Variants in CNOT1 observed in about 807,000 individuals in gnomAD.
The protein encoded by CNOT1 is CCR4-NOT transcription complex subunit 1, also known as CCR4-associated factor 1.
In CNOT1, 15 loss-of-function variants were observed where a neutral mutation model predicts 273.8. That is an observed-to-expected ratio of 0.05 (90% CI 0.04 to 0.08). The LOEUF (loss-of-function observed/expected upper bound fraction) is 0.08, where lower values mean the gene tolerates loss of function less well. CNOT1 is among the 10% of genes least tolerant of loss of function. CNOT1 has a pLI of 1.00. For synonymous variants in CNOT1, 1,022 were observed against 1,005.5 expected, an observed-to-expected ratio of 1.02 and a Z score of -0.31; for missense variants, 1,644 against 2,912.2, an observed-to-expected ratio of 0.56 and a Z score of 10.02.
chr16:58,581,220 C>T (rs923702317), intron 11 of CNOT1, 125 bp downstream of exon 11: 5 of 1,139,868 alleles, frequency 4.4e-6, no homozygotes, highest in South Asian at 1.9e-5. Context: ...ACAGTCCTTG[C>T]TTTTCTGTGC....
chr16:58,560,102 T>G (rs982135499), intron 17 of CNOT1, 110 bp downstream of exon 17: 116 of 1,534,500 alleles, frequency 7.6e-5, no homozygotes, highest in Non-Finnish European at 9.3e-5. Flanking sequence ...ATGCTAGACA[T>G]GCAGTTATCT....
intron 33 of CNOT1, among the ~76,000 whole-genome samples, chr16:58,541,867 T>A (rs2040105576): frequency 6.6e-6 from 1 of 152,234 alleles, no homozygotes; most frequent in African/African-American, 2.4e-5. Context: ...ATGCCTCACA[T>A]GGGACGATGC....
chr16:58,592,268 GC>G (rs1404619885), intron 2 of CNOT1, among the ~76,000 whole-genome samples: 1 of 152,016 alleles, frequency 6.6e-6, no homozygotes, highest in African/African-American at 2.4e-5. Flanking sequence ...GGAGCAGACA[GC>G]ATGGCAGCAT....
At chr16:58,592,719 T>C (rs1385159379) in intron 2 of CNOT1, among the ~76,000 whole-genome samples, 5 of 152,120 alleles carry the variant, frequency 3.3e-5, no homozygotes, top group Non-Finnish European at 7.4e-5. Context: ...CCCCAAAACA[T>C]ACAAATATCC....
In CNOT1 at chr16:58,557,855, T is replaced by C. The variant is rs560171097; in HGVS notation, c.2332+618A>G. ...AATACAAAAAATTAGCATGGCATGG[T>C]GGCGGGCACCTGTAATCCCAGCTAC... is the stretch of plus-strand genomic sequence containing the variant. On this transcript the variant is annotated intron_variant, in intron 18 of 48. Transcript: ENST00000317147. Among the ~76,000 whole-genome samples, 8 of 152,078 alleles carry C rather than the reference T, an allele frequency of 5.3e-5. No homozygotes were observed. In the South Asian group the frequency reaches 1.7e-3, roughly 32 times the overall value.
chr16:58,529,012 T>C (rs1295603863), intron 43 of CNOT1, among the ~76,000 whole-genome samples: 1 of 149,806 alleles, frequency 6.7e-6, no homozygotes, highest in African/African-American at 2.4e-5. Context: ...TTTAAAGTAC[T>C]GAAAAGGGAG....
At position 58,599,444 on chromosome 16, in the gene CNOT1, T is replaced by C; in HGVS notation, c.-107A>G. 1.5e-6 allele frequency: 2 copies of C among 1,346,994 alleles called. No homozygotes were observed. The highest frequency in any genetic ancestry group is 1.3e-5 in the South Asian group (1 of 79,928). 83.4% of individuals were successfully genotyped at this position (1,346,994 alleles called of 1,614,324 possible). A position where few individuals can be genotyped will look rare whatever the true frequency, so the allele number is the denominator to read the frequency against. ...ATGCTTTCTTTGTAATTAGGCTATA[T>C]CTGGTATCTGTATAATATCTTCAGT... On this transcript the variant is annotated 5_prime_UTR_variant, in exon 2 of 49. Coordinates refer to ENST00000317147, the MANE Select transcript of CNOT1 (RefSeq NM_016284.5).
chr16:58,602,407 G>A, intron 1 of CNOT1, among the ~76,000 whole-genome samples: 1 of 151,576 alleles, frequency 6.6e-6, no homozygotes, highest in Middle Eastern at 3.4e-3. Context: ...CCATCTGTAG[G>A]CCGGGTGTGG....
chr16:58,533,858 G>A (rs1209286265), intron 40 of CNOT1, among the ~76,000 whole-genome samples: 1 of 152,014 alleles, frequency 6.6e-6, no homozygotes, highest in African/African-American at 2.4e-5. Context: ...GGCCAGGCAT[G>A]GTGGTTCATG....
chr16:58,543,580 C>T (rs2040166614), intron 31 of CNOT1, 27 bp downstream of exon 31: 1 of 1,614,008 alleles, frequency 6.2e-7, no homozygotes, highest in Non-Finnish European at 8.5e-7. Context: ...ACGTTTTGTA[C>T]CTATACCAAG....
chr16:58,555,563 C>A (rs767194438), intron 20 of CNOT1, 26 bp from the exon 21 acceptor site: 1 of 1,604,402 alleles, frequency 6.2e-7, no homozygotes, highest in South Asian at 1.1e-5. Flanking sequence ...AAAAACAACG[C>A]ACACATAAAG....
chr16:58,522,237 C>CAAAAAAAAAA (rs56149974), intron 47 of CNOT1, among the ~76,000 whole-genome samples: 5 of 98,592 alleles, frequency 5.1e-5, no homozygotes, highest in African/African-American at 2.1e-4. Context: ...GAGACTGTCT[C>CAAAAAAAAAA]AAAAAAAAAA....
In CNOT1 at chr16:58,607,452, G is replaced by A. The variant is rs572563476; in HGVS notation, c.-174-7941C>T. Reference sequence around the variant, plus strand: ...CCAATGAAAATGGCTATCTAGGCTGGGCAAGGTGGCCACGGCTGCAATCCC... The same window carrying A: ...CCAATGAAAATGGCTATCTAGGCTGAGCAAGGTGGCCACGGCTGCAATCCC... On this transcript the variant is annotated intron_variant, in intron 1 of 48. Transcript: ENST00000317147. 5.9e-5 allele frequency among the ~76,000 whole-genome samples: 9 copies of A among 152,112 alleles called. 1 individual carries two copies. The South Asian group carries it at 1.7e-3, about 28-fold the overall frequency.
intron 1 of CNOT1, among the ~76,000 whole-genome samples, chr16:58,621,384 C>T (rs373216884): frequency 6.6e-6 from 1 of 152,072 alleles, no homozygotes; most frequent in East Asian, 1.9e-4. Flanking sequence ...AGCGATTCTC[C>T]TGCCTCAGCC....
chr16:58,602,533 A>T (rs2042504423), intron 1 of CNOT1, among the ~76,000 whole-genome samples: 1 of 138,494 alleles, frequency 7.2e-6, no homozygotes, highest in Admixed American at 7.6e-5. Flanking sequence ...GGCCTGGGCA[A>T]CAGAGCAAGA....
At chr16:58,580,924 A>G (rs1261103059) in intron 11 of CNOT1, among the ~76,000 whole-genome samples, 164 bp from the exon 12 acceptor site, 1 of 152,252 alleles carries the variant, frequency 6.6e-6, no homozygotes, top group Non-Finnish European at 1.5e-5. Context: ...ATTCAGACAC[A>G]TTAAAGGTGC....
intron 8 of CNOT1, 87 bp from the exon 9 acceptor site, chr16:58,583,269 A>T: frequency 6.4e-7 from 1 of 1,565,354 alleles, no homozygotes; most frequent in Non-Finnish European, 8.6e-7. Flanking sequence ...CCTTGTTTGA[A>T]AGCCTTAGTT....
At chr16:58,610,565 G>C (rs965566487) in intron 1 of CNOT1, among the ~76,000 whole-genome samples, 2 of 151,854 alleles carry the variant, frequency 1.3e-5, no homozygotes, top group Non-Finnish European at 2.9e-5. Flanking sequence ...ATTAAAAGGC[G>C]GGGCGCGGTG....
chr16:58,585,390 C>G lies in CNOT1; in HGVS notation c.754G>C (p.Glu252Gln), dbSNP rs2041801521. ...DSGGVAKTMM[E>Q]SSLADFMQEV... ...TGCATGAAATCAGCCAAAGAGCTCT[C>G]CATCATGGTTTTAGCTACCCCTCCG... Residue 252 changes from glutamate (E) to glutamine (Q), a missense_variant, in exon 8 of 49, where the codon GAG becomes CAG. Transcript: ENST00000317147. 6.2e-7 allele frequency: 1 copy of G among 1,613,768 alleles called. No homozygotes were observed. The highest frequency in any genetic ancestry group is 1.3e-5 in the African/African-American group (1 of 74,908).
Sources: allele counts gnomAD v4.1 joint callset (sites outside exome capture counted in the v4.1 genomes callset), GRCh38; gene constraint gnomAD v4.1.1; transcripts MANE v1.5; gene names NCBI Gene and HGNC (gene_info 2026-07-23, HGNC 2026-07-21).